Variants in CPNE4 observed in about 807,000 individuals in gnomAD.
CPNE4 encodes copine 4, also known as copine-4.
In CPNE4, 25 loss-of-function variants were observed where a neutral mutation model predicts 67.9. That is an observed-to-expected ratio of 0.37 (90% CI 0.27 to 0.51). CPNE4 has a LOEUF of 0.51. Ranked by LOEUF, CPNE4 falls within the 20% of genes least tolerant of loss-of-function variation. The pLI, the probability that CPNE4 is intolerant of heterozygous loss-of-function variation, is 0.93. For missense variants in CPNE4, 464 were observed against 690.8 expected, an observed-to-expected ratio of 0.67 and a Z score of 3.68; for synonymous variants, 242 against 244.9, an observed-to-expected ratio of 0.99 and a Z score of 0.11.
At chr3:131,566,477 G>A (rs1240151965) in intron 10 of CPNE4, among the ~76,000 whole-genome samples, 1 of 151,318 alleles carries the variant, frequency 6.6e-6, no homozygotes, top group Non-Finnish European at 1.5e-5. Context: ...TTTTAATCAA[G>A]GACTACGATG....
intron 7 of CPNE4, among the ~76,000 whole-genome samples, chr3:131,613,856 C>T (rs1289741744): frequency 6.6e-6 from 1 of 152,142 alleles, no homozygotes; most frequent in Admixed American, 6.5e-5. Context: ...CATCCTTTGG[C>T]CCTGAGTCAG....
chr3:131,942,519 T>G (rs2071432680), intron 1 of CPNE4, among the ~76,000 whole-genome samples: 1 of 129,466 alleles, frequency 7.7e-6, no homozygotes, highest in Non-Finnish European at 1.7e-5. Context: ...AGAGAGATCA[T>G]TTTATTTTGC....
At chr3:131,993,537 T>C (rs1378520286) in intron 1 of CPNE4, among the ~76,000 whole-genome samples, 1 of 130,120 alleles carries the variant, frequency 7.7e-6, no homozygotes, top group Non-Finnish European at 1.7e-5. Context: ...CATGACTTTG[T>C]CTGTGAAAAC....
At chr3:131,656,974 A>G (rs2079988045) in intron 7 of CPNE4, among the ~76,000 whole-genome samples, 1 of 152,338 alleles carries the variant, frequency 6.6e-6, no homozygotes, top group East Asian at 1.9e-4. Context: ...GAGCCTGTTA[A>G]GAAAAATTAT....
chr3:131,999,543 T>C (rs2073376031), intron 1 of CPNE4, among the ~76,000 whole-genome samples: 1 of 152,092 alleles, frequency 6.6e-6, no homozygotes, highest in Non-Finnish European at 1.5e-5. Context: ...ATTGTTGCAA[T>C]ATTAAGCTCT....
intron 1 of CPNE4, among the ~76,000 whole-genome samples, chr3:132,001,032 G>GA (rs2073418442): frequency 2.0e-5 from 3 of 152,052 alleles, no homozygotes; most frequent in African/African-American, 7.2e-5. Context: ...AACCAGTCAA[G>GA]ACCATGTCAA....
chr3:131,809,047 G>A (rs16837854), intron 2 of CPNE4, among the ~76,000 whole-genome samples: 30,711 of 152,022 alleles, frequency 0.2, 3,251 homozygotes, highest in East Asian at 0.36. Context: ...GCATGTGTGC[G>A]GGTACACCTG....
At position 132,003,597 on chromosome 3, in the gene CPNE4, T is replaced by A. The variant is rs1056157376; in HGVS notation, c.-2+30970A>T. ...ACCTGCTTCTGGGTGACAGACCTTCTGCTCACCCTGGCTCTACAATGGGTG... is the reference window on the plus strand; with the variant it reads ...ACCTGCTTCTGGGTGACAGACCTTCAGCTCACCCTGGCTCTACAATGGGTG... On this transcript the variant is annotated intron_variant, in intron 1 of 15. Coordinates refer to ENST00000429747, the MANE Select transcript of CPNE4 (RefSeq NM_130808.3). Among the ~76,000 whole-genome samples, 4 of 151,874 alleles carry A rather than the reference T, an allele frequency of 2.6e-5. No homozygotes were observed. In the East Asian group the frequency reaches 7.7e-4, roughly 29 times the overall value.
intron 3 of CPNE4, among the ~76,000 whole-genome samples, chr3:131,719,673 T>C (rs2081829840): frequency 1.3e-5 from 2 of 152,312 alleles, no homozygotes; most frequent in South Asian, 4.1e-4. Flanking sequence ...TTTCCCATAA[T>C]AAGGCATCCA....
chr3:131,958,874 G>A (rs1244028846), intron 1 of CPNE4, among the ~76,000 whole-genome samples: 5 of 149,934 alleles, frequency 3.3e-5, no homozygotes, highest in East Asian at 2.0e-4. Context: ...TGGCCAGTCC[G>A]GTCTCGAACT....
intron 11 of CPNE4, among the ~76,000 whole-genome samples, chr3:131,562,428 A>C (rs957020042): frequency 1.3e-5 from 2 of 152,036 alleles, no homozygotes; most frequent in African/African-American, 2.4e-5. Context: ...TCTTCCCCGC[A>C]GATTCAGAGT....
chr3:131,952,220 G>A (rs867946517), intron 1 of CPNE4, among the ~76,000 whole-genome samples: 52 of 150,152 alleles, frequency 3.5e-4, no homozygotes, highest in African/African-American at 8.8e-4. Flanking sequence ...CCGCCGCCCC[G>A]TCTGGGATGT....
At chr3:131,777,479 T>G (rs557133838) in intron 2 of CPNE4, among the ~76,000 whole-genome samples, 3 of 151,626 alleles carry the variant, frequency 2.0e-5, no homozygotes, top group African/African-American at 7.3e-5. Context: ...AGAATAGGAA[T>G]ACCTACCCAA....
intron 9 of CPNE4, among the ~76,000 whole-genome samples, chr3:131,581,024 T>C (rs1400155237): frequency 6.6e-6 from 1 of 151,692 alleles, no homozygotes; most frequent in Non-Finnish European, 1.5e-5. Flanking sequence ...ATAGAAAAAA[T>C]TAGCTGGGCG....
chr3:131,694,138 T>C (rs1025203913), intron 5 of CPNE4, among the ~76,000 whole-genome samples: 1 of 152,196 alleles, frequency 6.6e-6, no homozygotes, highest in Non-Finnish European at 1.5e-5. Context: ...TACATATTCA[T>C]ACTTCAATTT....
rs148209916 is a variant in CPNE4, at chr3:131,551,105, G to A, written c.1169-1025C>T. Among the ~76,000 whole-genome samples the A allele has an allele frequency of 2.1e-3, 316 of 151,410 alleles. 2 individuals carry two copies. The highest frequency in any genetic ancestry group is 7.2e-3 in the African/African-American group (299 of 41,284). ...ACATTAGTCCTGTTTTTGGCCAGAGGGATCCACACAATTCCCTCCTGAGAT... is the reference window on the plus strand; with the variant it reads ...ACATTAGTCCTGTTTTTGGCCAGAGAGATCCACACAATTCCCTCCTGAGAT... On this transcript the variant is annotated intron_variant, in intron 13 of 15. Transcript: ENST00000429747.
At chr3:131,971,741 C>T (rs1190151133) in intron 1 of CPNE4, among the ~76,000 whole-genome samples, 1 of 152,228 alleles carries the variant, frequency 6.6e-6, no homozygotes, top group Non-Finnish European at 1.5e-5. Context: ...GAAGCAAAGA[C>T]CAACAGGAGA....
chr3:132,031,287 AAT>A (rs952022853), intron 1 of CPNE4, among the ~76,000 whole-genome samples: 1 of 152,224 alleles, frequency 6.6e-6, no homozygotes, highest in African/African-American at 2.4e-5. Flanking sequence ...TTGCCAAGGA[AAT>A]ATGACTTTGG....
intron 1 of CPNE4, among the ~76,000 whole-genome samples, chr3:131,908,744 G>A (rs2088859847): frequency 6.6e-6 from 1 of 152,102 alleles, no homozygotes; most frequent in Non-Finnish European, 1.5e-5. Flanking sequence ...TTGATTGTGA[G>A]GTATAATGCA....
Sources: gnomAD v4.1 joint callset for allele counts (sites outside exome capture counted in the v4.1 genomes callset) on GRCh38, gnomAD v4.1.1 for gene constraint, MANE v1.5 for transcripts, NCBI Gene and HGNC (gene_info 2026-07-23, HGNC 2026-07-21) for gene names.